CRPPA: variants seen among roughly 807,000 people sequenced by gnomAD.
The protein encoded by CRPPA is CDP-L-ribitol pyrophosphorylase A.
CRPPA carries 43 observed loss-of-function variants against 52.0 expected under a neutral mutation model. That is an observed-to-expected ratio of 0.83 (90% CI 0.65 to 1.07). The LOEUF (loss-of-function observed/expected upper bound fraction) is 1.07. Among genes scored for constraint, CRPPA ranks in the 50% least tolerant of loss-of-function variants. CRPPA has a pLI of 0.00. For synonymous variants in CRPPA, 250 were observed against 203.5 expected (o/e 1.23, Z -1.94); for missense variants, 629 against 551.7 (o/e 1.14, Z -1.40).
intron 8 of CRPPA, among the ~76,000 whole-genome samples, chr7:16,247,057 C>T (rs1227965589): frequency 2.0e-5 from 3 of 152,216 alleles, no homozygotes; most frequent in Non-Finnish European, 4.4e-5. Context: ...TTTAGCATTG[C>T]TATGTTCATC....
Position 16,406,339 on chromosome 7 carries a change from T to C in CRPPA, c.258-2A>G. ...ACAATGTCCTTTATCCAACATACTC[T>C]AAAAGGAAAGTATATGTACAATTCG... On this transcript the variant is annotated splice_acceptor_variant, in intron 1 of 9. Coordinates refer to ENST00000407010, the MANE Select transcript of CRPPA (RefSeq NM_001101426.4). LOFTEE classifies it high-confidence loss of function. 6.2e-7 allele frequency: 1 copy of C among 1,611,284 alleles called. No homozygotes were observed. The highest frequency in any genetic ancestry group is 1.7e-4 in the Middle Eastern group (1 of 6,052).
At chr7:16,124,617 C>A (rs1297877199) in intron 9 of CRPPA, among the ~76,000 whole-genome samples, 2 of 152,026 alleles carry the variant, frequency 1.3e-5, no homozygotes, top group African/African-American at 4.8e-5. Context: ...TACAGCTAGA[C>A]AGAGGGAATG....
intron 6 of CRPPA, chr7:16,270,557 T>C (rs1024273933): frequency 1.3e-5 from 2 of 152,156 alleles, no homozygotes; most frequent in Non-Finnish European, 2.9e-5. Context: ...CTCTGGAGAA[T>C]TGCTCAGGAA....
intron 4 of CRPPA, among the ~76,000 whole-genome samples, chr7:16,302,215 G>C (rs1036034114): frequency 7.2e-6 from 1 of 138,274 alleles, no homozygotes; most frequent in Non-Finnish European, 1.5e-5. Flanking sequence ...AGAATGGCGT[G>C]AACCCGGGAG....
intron 9 of CRPPA, among the ~76,000 whole-genome samples, chr7:16,194,839 G>T (rs1023831413): frequency 9.5e-6 from 1 of 105,746 alleles, no homozygotes; most frequent in Admixed American, 1.1e-4. Context: ...CCTTGTTTTT[G>T]GTCTTTTGGT....
At chr7:16,209,200 A>G in intron 9 of CRPPA, 1 of 321,522 alleles carries the variant, frequency 3.1e-6, no homozygotes, top group Non-Finnish European at 6.0e-6. Context: ...AATGCTAGCT[A>G]TCAAAAGATG....
intron 3 of CRPPA, among the ~76,000 whole-genome samples, chr7:16,357,906 G>A (rs1786344469): frequency 6.6e-6 from 1 of 152,156 alleles, no homozygotes; most frequent in Admixed American, 6.5e-5. Flanking sequence ...GTGGTCAGCA[G>A]GCCAAGGCTG....
At chr7:16,223,836 T>C (rs1782581887) in intron 8 of CRPPA, among the ~76,000 whole-genome samples, 1 of 152,170 alleles carries the variant, frequency 6.6e-6, no homozygotes, top group African/African-American at 2.4e-5. Flanking sequence ...ACATTTCATA[T>C]AGGTTGAGTA....
intron 2 of CRPPA, among the ~76,000 whole-genome samples, chr7:16,391,292 T>G (rs1478588623): frequency 6.6e-6 from 1 of 152,126 alleles, no homozygotes; most frequent in Non-Finnish European, 1.5e-5. Context: ...CCCCCACTCT[T>G]ATAATTCAGC....
intron 3 of CRPPA, among the ~76,000 whole-genome samples, chr7:16,343,242 A>C (rs1785920333): frequency 6.6e-6 from 1 of 152,142 alleles, no homozygotes; most frequent in Non-Finnish European, 1.5e-5. Flanking sequence ...TAAAGCATGC[A>C]ACATCTAGGG....
intron 9 of CRPPA, among the ~76,000 whole-genome samples, chr7:16,103,664 A>G (rs62442360): frequency 0.28 from 42,852 of 151,992 alleles, 7,684 homozygotes; most frequent in Admixed American, 0.39. Flanking sequence ...TAACACACCC[A>G]AGTCTGGGGG....
intron 8 of CRPPA, among the ~76,000 whole-genome samples, chr7:16,242,116 G>A (rs1044313286): frequency 1.3e-5 from 2 of 151,128 alleles, no homozygotes; most frequent in East Asian, 1.9e-4. Context: ...CACCACACCC[G>A]GCTAATTTTT....
rs17169267 is a variant in CRPPA, at chr7:16,121,166, C to T, written c.1252-29367G>A. On this transcript the variant is annotated intron_variant, in intron 9 of 9. Transcript: ENST00000407010. Reference sequence around the variant, plus strand: ...AACCAGAATTGAAATCTAGAGAGTCCGACCACTTCATAGCTACATTAGAAA... The same window carrying T: ...AACCAGAATTGAAATCTAGAGAGTCTGACCACTTCATAGCTACATTAGAAA... 1.5e-3 allele frequency among the ~76,000 whole-genome samples: 225 copies of T among 152,036 alleles called. No individual in the cohort carries two copies. The East Asian group carries it at 0.021, about 14-fold the overall frequency.
intron 3 of CRPPA, among the ~76,000 whole-genome samples, chr7:16,373,298 G>GA (rs986360327): frequency 6.1e-4 from 90 of 148,146 alleles, no homozygotes; most frequent in South Asian, 2.1e-3. Flanking sequence ...CTCCATCTCA[G>GA]AAAAAAAAAA....
chr7:16,399,905 A>G (rs1787756294), intron 2 of CRPPA, among the ~76,000 whole-genome samples: 1 of 152,104 alleles, frequency 6.6e-6, no homozygotes, highest in Non-Finnish European at 1.5e-5. Context: ...TTATGTGATC[A>G]ACACGTGTGT....
In CRPPA at chr7:16,341,287, T is replaced by TA. The variant is rs775439752; in HGVS notation, c.685-32661dup. Among the ~76,000 whole-genome samples, 8 of 148,100 alleles carry TA rather than the reference T, an allele frequency of 5.4e-5. No individual in the cohort carries two copies. The East Asian group carries it at 5.9e-4, about 11-fold the overall frequency. On this transcript the variant is annotated intron_variant, in intron 3 of 9. Transcript: ENST00000407010. ...ATGTATCAATGTAAGTTCAATGGTT[T>TA]AAAAAAAAAACAGGTACCACTCTGG...
At chr7:16,341,310 T>C (rs1785822043) in intron 3 of CRPPA, among the ~76,000 whole-genome samples, 1 of 151,766 alleles carries the variant, frequency 6.6e-6, no homozygotes, top group African/African-American at 2.4e-5. Context: ...GGTACCACTC[T>C]GGTAGGGGAT....
At chr7:16,112,884 T>C (rs933334847) in intron 9 of CRPPA, among the ~76,000 whole-genome samples, 3 of 151,922 alleles carry the variant, frequency 2.0e-5, no homozygotes, top group Non-Finnish European at 4.4e-5. Flanking sequence ...GACTTTTTTT[T>C]CCCCTGATGG....
At chr7:16,199,975 T>C (rs1583424179) in intron 9 of CRPPA, among the ~76,000 whole-genome samples, 1 of 151,554 alleles carries the variant, frequency 6.6e-6, no homozygotes, top group Non-Finnish European at 1.5e-5. Context: ...CTCCTGCCTC[T>C]GCCTGCTGAG....
Sources: gnomAD v4.1 joint callset for allele counts (sites outside exome capture counted in the v4.1 genomes callset) on GRCh38, gnomAD v4.1.1 for gene constraint, MANE v1.5 for transcripts, NCBI Gene and HGNC (gene_info 2026-07-23, HGNC 2026-07-21) for gene names.